Variants in NUP188 observed in about 807,000 individuals in gnomAD.
NUP188 encodes the protein nucleoporin NUP188.
A neutral mutation model predicts 223.0 loss-of-function variants in NUP188; 97 were observed. The ratio of observed to expected loss-of-function variants is 0.43; its 90% CI spans 0.37 to 0.51. The LOEUF (loss-of-function observed/expected upper bound fraction) is 0.51. Ranked by LOEUF, NUP188 falls within the 20% of genes least tolerant of loss-of-function variation. The probability of loss-of-function intolerance (pLI) is 0.00; values close to 1 mark genes in which losing one functional copy is unlikely to be tolerated. For missense variants in NUP188, 1,947 were observed against 2,175.6 expected, an observed-to-expected ratio of 0.89 and a Z score of 2.09; for synonymous variants, 869 against 828.0, an observed-to-expected ratio of 1.05 and a Z score of -0.85.
At chr9:128,993,834 A>G (rs149989265) in intron 27 of NUP188, 140 bp downstream of exon 27, 1 of 706,708 alleles carries the variant, frequency 1.4e-6, no homozygotes, top group East Asian at 2.7e-5. Flanking sequence ...GGAGTTTTAC[A>G]CTAATTCTCT....
chr9:128,949,721 C>T (rs894969847), intron 2 of NUP188, among the ~76,000 whole-genome samples: 23 of 152,070 alleles, frequency 1.5e-4, no homozygotes, highest in African/African-American at 4.3e-4. Flanking sequence ...CTCCGCCTCC[C>T]GAGTTCAAGC....
chr9:128,985,428 A>C (rs192902574), intron 20 of NUP188, among the ~76,000 whole-genome samples: 1 of 152,276 alleles, frequency 6.6e-6, no homozygotes, highest in East Asian at 1.9e-4. Flanking sequence ...GATATTTTCT[A>C]TTCAGTCTCC....
At position 128,995,447 on chromosome 9, in the gene NUP188, C is replaced by T; in HGVS notation, c.3284C>T (p.Thr1095Ile). ...HVAETEGSSC[T>I]SLLEYQMLVS... ...GCCGAAACAGAAGGCAGCAGCTGCA[C>T]CTCCTTGTTAGAGTACCAGATGCTG... Residue 1095 changes from threonine to isoleucine, a missense_variant, in exon 30 of 44, where the codon ACC becomes ATC. By Grantham distance (89) the Thr-to-Ile change is moderately conservative. This residue lies in a region of NUP188 where 905 missense variants were observed against 990.6 expected (regional missense o/e 0.91). Coordinates refer to ENST00000372577, the MANE Select transcript of NUP188 (RefSeq NM_015354.3). 6.2e-7 allele frequency: 1 copy of T among 1,613,712 alleles called. No individual in the cohort carries two copies. Among genetic ancestry groups the T allele is most frequent in the Non-Finnish European group, 8.5e-7 (1 of 1,179,754 alleles).
At chr9:128,980,584 G>A (rs752053073) in intron 13 of NUP188, 22 bp from the exon 14 acceptor site, 87 of 1,599,918 alleles carry the variant, frequency 5.4e-5, no homozygotes, top group Non-Finnish European at 7.2e-5. Context: ...GAAGATCAGT[G>A]ATTTGTCCCC....
At chr9:128,949,107 A>G in intron 1 of NUP188, 82 bp from the exon 2 acceptor site, 1 of 988,464 alleles carries the variant, frequency 1.0e-6, no homozygotes, top group Non-Finnish European at 1.6e-6. Flanking sequence ...GCTTTTAGAG[A>G]GCAGACAAAA....
chr9:128,958,758 A>G lies in NUP188; in HGVS notation c.373-44A>G, dbSNP rs146689256. 633 of 1,074,556 alleles carry G rather than the reference A, an allele frequency of 5.9e-4. 5 individuals are homozygous for G. In the African/African-American group the frequency reaches 8.6e-3, roughly 15 times the overall value. 66.6% of individuals were successfully genotyped at this position (1,074,556 alleles called of 1,614,324 possible). On this transcript the variant is annotated intron_variant, in intron 6 of 43. Transcript: ENST00000372577. ...CACTAAATTTAAACTTGAGTTTCCT[A>G]TGTGCAAAGGTGAGTAACTGATTTT...
chr9:128,982,301 G>A (rs576034975), intron 15 of NUP188, among the ~76,000 whole-genome samples: 8 of 151,282 alleles, frequency 5.3e-5, no homozygotes, highest in Admixed American at 1.3e-4. Flanking sequence ...GTGGTGGTGC[G>A]CACCTGTAGT....
chr9:128,999,360 A>T, intron 33 of NUP188, 43 bp downstream of exon 33: 1 of 1,600,830 alleles, frequency 6.2e-7, no homozygotes, highest in Non-Finnish European at 8.5e-7. Context: ...CAGTCTGCCC[A>T]CTCCTGCTGA....
intron 8 of NUP188, among the ~76,000 whole-genome samples, chr9:128,967,321 A>G (rs1231099222): frequency 4.6e-5 from 7 of 152,150 alleles, no homozygotes; most frequent in Admixed American, 4.6e-4. Context: ...CTAGTCCAGA[A>G]AATTTTTACT....
At chr9:129,002,502 A>C (rs1842689096) in intron 36 of NUP188, among the ~76,000 whole-genome samples, 1 of 152,220 alleles carries the variant, frequency 6.6e-6, no homozygotes, top group South Asian at 2.1e-4. Context: ...GTCGTGAAGT[A>C]TTTGGTCATC....
intron 14 of NUP188, 73 bp from the exon 15 acceptor site, chr9:128,981,191 A>G (rs1443575217): frequency 1.5e-5 from 23 of 1,552,936 alleles, no homozygotes; most frequent in Non-Finnish European, 1.7e-5. Context: ...AGTCTGGTTG[A>G]AAGAGCAGAC....
rs185037043 is a variant in NUP188 at position 128,949,158 on chromosome 9, G to A, written c.33-31G>A. 1.9e-6 allele frequency: 3 copies of A among 1,582,544 alleles called. No individual in the cohort carries two copies. The East Asian group carries it at 6.7e-5, about 35-fold the overall frequency. On this transcript the variant is annotated intron_variant, in intron 1 of 43. Coordinates refer to ENST00000372577, the MANE Select transcript of NUP188 (RefSeq NM_015354.3). ...GTACAAGTTTGTATGATCAGAAAGA[G>A]CAAAATTACCTCTGTTCTCTCATTT...
At chr9:128,996,012 A>G (rs1408715845) in intron 30 of NUP188, among the ~76,000 whole-genome samples, 1 of 152,176 alleles carries the variant, frequency 6.6e-6, no homozygotes, top group Non-Finnish European at 1.5e-5. Context: ...TACTCTGTCT[A>G]CTGGGAGTTG....
chr9:128,998,716 C>T (rs1171346421), intron 32 of NUP188, 93 bp downstream of exon 32: 1 of 1,029,510 alleles, frequency 9.7e-7, no homozygotes, highest in East Asian at 2.4e-5. Context: ...TGGGTGGAAG[C>T]TGGGCTGGTT....
rs769003262 is a variant in NUP188 at position 128,983,370 on chromosome 9, A to G, written c.1874A>G (p.Asn625Ser). 1.4e-5 allele frequency: 23 copies of G among 1,614,084 alleles called. No homozygotes were observed. The highest frequency in any genetic ancestry group is 8.9e-5 in the East Asian group (4 of 44,902). Residue 625 changes from asparagine (N) to serine (S), a missense_variant, in exon 18 of 44, where the codon AAT becomes AGT. By Grantham distance (46) the Asn-to-Ser change is conservative. Transcript: ENST00000372577. The part of the protein sequence containing the change: ...VNCLTVLAAR[N>S]PAKVWTDLRH... Reference sequence around the variant, plus strand: ...TGCTTAACTGTTTTGGCTGCCCGCAATCCAGCAAAGGTGAGATGCCAGATC... The same window carrying G: ...TGCTTAACTGTTTTGGCTGCCCGCAGTCCAGCAAAGGTGAGATGCCAGATC...
chr9:128,967,004 G>A (rs1313935861), intron 8 of NUP188, among the ~76,000 whole-genome samples: 3 of 152,020 alleles, frequency 2.0e-5, no homozygotes, highest in Non-Finnish European at 2.9e-5. Flanking sequence ...ATTAAAAATA[G>A]GGAGGGTTTT....
chr9:128,990,172 A>G lies in NUP188; in HGVS notation c.2586A>G (p.Lys862=). 6.2e-7 allele frequency: 1 copy of G among 1,614,204 alleles called. No individual in the cohort carries two copies. The highest frequency in any genetic ancestry group is 1.3e-5 in the African/African-American group (1 of 75,048). ...IAVLAKYIYH[K]HDPALPRLAI... is the part of the protein sequence containing the mutation. ...TTCTAGCCAAATACATCTACCACAA[A>G]CATGACCCTGCTTTGCCACGTCTTG... is the stretch of plus-strand genomic sequence containing the variant. The change falls in exon 25 of 44, where the codon AAA becomes AAG. Residue 862 remains lysine (K), a synonymous_variant. Coordinates refer to ENST00000372577, the MANE Select transcript of NUP188 (RefSeq NM_015354.3).
Position 128,982,674 on chromosome 9 carries a change from A to T in NUP188, c.1642A>T (p.Met548Leu). ...GACCCTCTTTACCTGCGAGATTGAA[A>T]TGTTGCTTCATGTTGTTTCAACTGC... Reference protein sequence around the residue: ...SWTLFTCEIEMLLHVVSTADV... With the variant: ...SWTLFTCEIELLLHVVSTADV... Residue 548 changes from methionine (M) to leucine (L), a missense_variant, in exon 16 of 44, where the codon ATG (methionine) becomes TTG (leucine). By Grantham distance (15) the Met-to-Leu change is conservative. This residue lies in a region of NUP188 where 817 missense variants were observed against 865.8 expected (regional missense o/e 0.94). Transcript: ENST00000372577. The T allele has an allele frequency of 6.2e-7, 1 of 1,613,950 alleles. No homozygotes were observed. The highest frequency in any genetic ancestry group is 8.5e-7 in the Non-Finnish European group (1 of 1,179,996).
At chr9:129,000,480 G>T (rs150945737) in intron 34 of NUP188, among the ~76,000 whole-genome samples, 1 of 151,776 alleles carries the variant, frequency 6.6e-6, no homozygotes, top group African/African-American at 2.4e-5. Flanking sequence ...CACCACGCCC[G>T]GCTAACTTTT....
Sources: gnomAD v4.1 joint callset for allele counts (sites outside exome capture counted in the v4.1 genomes callset) on GRCh38, gnomAD v4.1.1 for gene constraint, gnomAD v4.1.1 regional missense constraint, MANE v1.5 for transcripts, NCBI Gene and HGNC (gene_info 2026-07-23, HGNC 2026-07-21) for gene names.